The following SLC15A5 variants were observed in gnomAD, a reference collection of about 807,000 sequenced individuals.
SLC15A5 encodes the protein Peptide/histidine transporter ENSP00000340402.
A neutral mutation model predicts 56.1 loss-of-function variants in SLC15A5; 58 were observed. The ratio of observed to expected loss-of-function variants is 1.03; its 90% CI spans 0.84 to 1.29. SLC15A5 has a LOEUF of 1.29. SLC15A5 is among the 50% of genes most tolerant of loss of function. SLC15A5 has a pLI of 0.00. For missense variants in SLC15A5, 681 were observed against 672.1 expected, an observed-to-expected ratio of 1.01 and a Z score of -0.15; for synonymous variants, 264 against 250.5, an observed-to-expected ratio of 1.05 and a Z score of -0.51.
chr12:16,202,867 G>A (rs1438067822), intron 7 of SLC15A5, among the ~76,000 whole-genome samples: 2 of 152,082 alleles, frequency 1.3e-5, no homozygotes, highest in African/African-American at 4.8e-5. Flanking sequence ...GACACAGAAA[G>A]ACGAATACCA....
chr12:16,277,174 G>A, intron 1 of SLC15A5, 151 bp downstream of exon 1: 9 of 770,908 alleles, frequency 1.2e-5, no homozygotes, highest in Non-Finnish European at 1.8e-5. Context: ...TCTTCAAATA[G>A]TACAAAGAAT....
At chr12:16,203,913 AC>A (rs1389653628) in intron 7 of SLC15A5, among the ~76,000 whole-genome samples, 1 of 152,222 alleles carries the variant, frequency 6.6e-6, no homozygotes, top group Non-Finnish European at 1.5e-5. Flanking sequence ...AACAGTGATC[AC>A]CTCAGTGAGT....
chr12:16,272,059 T>C (rs1864765370), intron 2 of SLC15A5, among the ~76,000 whole-genome samples: 1 of 152,216 alleles, frequency 6.6e-6, no homozygotes, highest in Non-Finnish European at 1.5e-5. Flanking sequence ...ATTAGTCTAT[T>C]ACAATACAGA....
chr12:16,272,600 T>A lies in SLC15A5; in HGVS notation c.545A>T (p.Gln182Leu). Reference sequence around the variant, plus strand: ...CATCGTTTTTTGTGATCCATACTCCTGAAGGCCAAAAGCACCCAGTGGACA... The same window carrying A: ...CATCGTTTTTTGTGATCCATACTCCAGAAGGCCAAAAGCACCCAGTGGACA... ...IVCPLGAFGL[Q>L]EYGSQKTMSF... is the part of the protein sequence containing the mutation. The change falls in exon 2 of 9, where the codon CAG (glutamine) becomes CTG (leucine). Residue 182 changes from glutamine to leucine, a missense_variant. Physicochemically the swap from Gln to Leu is moderately radical, Grantham distance 113. Coordinates refer to ENST00000344941, the MANE Select transcript of SLC15A5 (RefSeq NM_001170798.1). 3 of 1,536,934 alleles carry A rather than the reference T, an allele frequency of 2.0e-6. No homozygotes were observed. The highest frequency in any genetic ancestry group is 2.6e-6 in the Non-Finnish European group (3 of 1,146,656).
At chr12:16,231,184 T>C (rs1027469695) in intron 5 of SLC15A5, among the ~76,000 whole-genome samples, 1 of 152,182 alleles carries the variant, frequency 6.6e-6, no homozygotes, top group African/African-American at 2.4e-5. Flanking sequence ...TAGAATACTT[T>C]TAAGATCCTA....
At position 16,199,662 on chromosome 12, in the gene SLC15A5, TTACCTTGATTTGACTATA is replaced by T. The variant is rs1408299218; in HGVS notation, c.1484-5227_1484-5210del. ...ATATTTAAGGTAATAGATATACAAA[TTACCTTGATTTGACTATA>T]TAAATTTATCAAATGATCACACGTA... On this transcript the variant is annotated intron_variant, in intron 7 of 8. Transcript: ENST00000344941. Among the ~76,000 whole-genome samples the T allele has an allele frequency of 3.9e-5, 6 of 152,230 alleles. No individual in the cohort carries two copies. In the East Asian group the frequency reaches 1.2e-3, roughly 29 times the overall value.
intron 7 of SLC15A5, among the ~76,000 whole-genome samples, chr12:16,213,520 C>T (rs914514996): frequency 1.3e-5 from 2 of 152,104 alleles, no homozygotes; most frequent in African/African-American, 4.8e-5. Context: ...GATGGGCACA[C>T]TCAGGTTATA....
At chr12:16,223,878 G>A (rs1189724032) in intron 6 of SLC15A5, among the ~76,000 whole-genome samples, 4 of 152,022 alleles carry the variant, frequency 2.6e-5, no homozygotes, top group Non-Finnish European at 4.4e-5. Context: ...CACCACACCT[G>A]GCTAATTTTT....
At chr12:16,189,866 G>T in intron 8 of SLC15A5, 51 bp from the exon 9 acceptor site, 1 of 1,312,128 alleles carries the variant, frequency 7.6e-7, no homozygotes, top group Non-Finnish European at 1.0e-6. Context: ...TAGATGAATT[G>T]ATAAATCATT....
At chr12:16,249,011 T>C (rs1864492652) in intron 3 of SLC15A5, among the ~76,000 whole-genome samples, 1 of 152,114 alleles carries the variant, frequency 6.6e-6, no homozygotes, top group African/African-American at 2.4e-5. Flanking sequence ...AGTTTTCCTA[T>C]TCTTTGTACC....
rs541613649 is a variant in SLC15A5 at position 16,227,657 on chromosome 12, G to A, written c.1163-3055C>T. 3.9e-5 allele frequency among the ~76,000 whole-genome samples: 6 copies of A among 152,282 alleles called. No homozygotes were observed. In the South Asian group the frequency reaches 1.0e-3, roughly 26 times the overall value. On this transcript the variant is annotated intron_variant, in intron 5 of 8. Coordinates refer to ENST00000344941, the MANE Select transcript of SLC15A5 (RefSeq NM_001170798.1). ...AAGTTATTTGGGAATCAAGGTAGACGATAGATTGGGGTCAGATCATAAGAA... is the reference window on the plus strand; with the variant it reads ...AAGTTATTTGGGAATCAAGGTAGACAATAGATTGGGGTCAGATCATAAGAA...
intron 7 of SLC15A5, among the ~76,000 whole-genome samples, chr12:16,198,176 G>A (rs1388304492): frequency 6.6e-6 from 1 of 152,078 alleles, no homozygotes; most frequent in African/African-American, 2.4e-5. Context: ...AAAATATTTA[G>A]CATTGTTCAG....
chr12:16,267,098 G>T (rs908606045), intron 2 of SLC15A5, among the ~76,000 whole-genome samples: 2 of 152,164 alleles, frequency 1.3e-5, no homozygotes, highest in African/African-American at 4.8e-5. Flanking sequence ...TTGGTGATTT[G>T]AAGAGAAATT....
chr12:16,251,939 G>T (rs528637536), intron 3 of SLC15A5, among the ~76,000 whole-genome samples: 4 of 151,890 alleles, frequency 2.6e-5, no homozygotes, highest in Admixed American at 6.6e-5. Flanking sequence ...ACATTAAATG[G>T]ATCATAGACC....
intron 2 of SLC15A5, among the ~76,000 whole-genome samples, chr12:16,261,262 C>A (rs1257678997): frequency 6.6e-6 from 1 of 152,174 alleles, no homozygotes; most frequent in Non-Finnish European, 1.5e-5. Context: ...TCCTCATCTC[C>A]AGGAAACCAC....
Position 16,240,221 on chromosome 12 carries a change from A to G in SLC15A5, c.976-354T>C, listed in dbSNP as rs189276582. ...ATAAGCAAAATGACTTTTCTTCATG[A>G]ACACTAATATAAAACCAGTAAAAAA... On this transcript the variant is annotated intron_variant, in intron 4 of 8. Transcript: ENST00000344941. 1.2e-4 allele frequency among the ~76,000 whole-genome samples: 19 copies of G among 152,366 alleles called. No individual in the cohort carries two copies. In the East Asian group the frequency reaches 3.7e-3, roughly 29 times the overall value.
Position 16,213,991 on chromosome 12 carries a change from C to G in SLC15A5, c.1483+2902G>C, listed in dbSNP as rs551690644. 2.6e-5 allele frequency among the ~76,000 whole-genome samples: 4 copies of G among 152,296 alleles called. No individual in the cohort carries two copies. In the South Asian group the frequency reaches 8.3e-4, roughly 32 times the overall value. On this transcript the variant is annotated intron_variant, in intron 7 of 8. Coordinates refer to ENST00000344941, the MANE Select transcript of SLC15A5 (RefSeq NM_001170798.1). ...TAAACACCCTTACATCTGTGGATTT[C>G]TACAAGTTGCTTGTATATTGAAATC...
intron 7 of SLC15A5, among the ~76,000 whole-genome samples, chr12:16,214,663 T>C (rs1028264742): frequency 6.6e-6 from 1 of 152,194 alleles, no homozygotes; most frequent in African/African-American, 2.4e-5. Flanking sequence ...GGTTAGTGCA[T>C]ACCTGGGGAT....
chr12:16,261,431 G>T (rs1221606586), intron 2 of SLC15A5, among the ~76,000 whole-genome samples: 2 of 152,030 alleles, frequency 1.3e-5, no homozygotes, highest in African/African-American at 4.8e-5. Context: ...CCTCTCTGTT[G>T]CCAAGTACTA....
Sources: gnomAD v4.1 joint callset for allele counts (sites outside exome capture counted in the v4.1 genomes callset) on GRCh38, gnomAD v4.1.1 for gene constraint, MANE v1.5 for transcripts, NCBI Gene and HGNC (gene_info 2026-07-23, HGNC 2026-07-21) for gene names.